Variants in MFSD6 observed in about 807,000 individuals in gnomAD.
MFSD6 encodes major facilitator superfamily domain containing 6.
MFSD6 carries 26 observed loss-of-function variants against 56.3 expected under a neutral mutation model. The observed-to-expected ratio is 0.46, with a 90% CI of 0.34 to 0.64. MFSD6 has a LOEUF of 0.64. Ranked by LOEUF, MFSD6 falls within the 30% of genes least tolerant of loss-of-function variation. MFSD6 has a pLI of 0.01. For synonymous variants in MFSD6, 331 were observed against 366.9 expected, an observed-to-expected ratio of 0.90 and a Z score of 1.12; for missense variants, 750 against 986.2, an observed-to-expected ratio of 0.76 and a Z score of 3.21.
intron 2 of MFSD6, among the ~76,000 whole-genome samples, chr2:190,429,672 C>T (rs1010389192): frequency 2.8e-4 from 43 of 152,104 alleles, no homozygotes; most frequent in Non-Finnish European, 4.6e-4. Flanking sequence ...GTTTAATATA[C>T]TCTGTGTCTT....
rs1419412568 is a variant in MFSD6 at position 190,423,454 on chromosome 2, TATCA to T, written c.-54+8045_-54+8048del. On this transcript the variant is annotated intron_variant, in intron 2 of 7. Transcript: ENST00000392328. The surrounding 1 kb of genome is among the most constrained non-coding windows in gnomAD (Gnocchi z 4.3). ...GGAAATTTATCCAGTTTATTGCATG[TATCA>T]ATCGTTTGCTCCTTTTTATTGCTGC... 6.6e-6 allele frequency among the ~76,000 whole-genome samples: 1 copy of T among 152,258 alleles called. No homozygotes were observed. Among genetic ancestry groups the T allele is most frequent in the African/African-American group, 2.4e-5 (1 of 41,468 alleles).
At position 190,494,252 on chromosome 2, in the gene MFSD6, G is replaced by A. The variant is rs955170171; in HGVS notation, c.1892-3187G>A. On this transcript the variant is annotated intron_variant, in intron 6 of 7. Transcript: ENST00000392328. This position sits in a 1 kb window ranked among gnomAD's most constrained non-coding sequence, Gnocchi z 5.7. Reference sequence around the variant, plus strand: ...CCTTTACATGCATAAACTGGAAAACGCAGAGGAGATAAATTCCTTGAAAGA... The same window carrying A: ...CCTTTACATGCATAAACTGGAAAACACAGAGGAGATAAATTCCTTGAAAGA... Among the ~76,000 whole-genome samples the A allele has an allele frequency of 3.3e-5, 5 of 151,746 alleles. No homozygotes were observed. Among genetic ancestry groups the A allele is most frequent in the East Asian group, 1.9e-4 (1 of 5,192 alleles).
chr2:190,500,183 G>A lies in MFSD6; in HGVS notation c.2341G>A (p.Glu781Lys), dbSNP rs770158252. 1 of 1,614,180 alleles carries A rather than the reference G, an allele frequency of 6.2e-7. No homozygotes were observed. Among genetic ancestry groups the A allele is most frequent in the South Asian group, 1.1e-5 (1 of 91,086 alleles). The change falls in exon 8 of 8, where the codon GAG becomes AAG. Residue 781 changes from glutamate (E) to lysine (K), a missense_variant. Physicochemically the swap from Glu to Lys is moderately conservative, Grantham distance 56 (BLOSUM62 1). Transcript: ENST00000392328. This position sits in a 1 kb window ranked among gnomAD's most constrained non-coding sequence, Gnocchi z 5.3. ...SVDPCTEESE[E>K]QQAQLAAGGH ...GGACCCGTGCACAGAGGAGAGTGAA[G>A]AGCAGCAGGCTCAGCTGGCCGCGGG... is the stretch of plus-strand genomic sequence containing the variant.
rs754002086 is a variant in MFSD6, at chr2:190,471,261, C to T, written c.1630+1406C>T. ...AGTGGGTGCAGGATAGTGGGTGCAG[C>T]GCGGTGAGCGTGAGCTGAAGCAGGG... is the stretch of plus-strand genomic sequence containing the variant. On this transcript the variant is annotated intron_variant, in intron 4 of 7. Coordinates refer to ENST00000392328, the MANE Select transcript of MFSD6 (RefSeq NM_017694.4). This position sits in a 1 kb window ranked among gnomAD's most constrained non-coding sequence, Gnocchi z 4.7. Among the ~76,000 whole-genome samples the T allele has an allele frequency of 6.6e-6, 1 of 152,146 alleles. No individual in the cohort carries two copies. The highest frequency in any genetic ancestry group is 2.4e-5 in the African/African-American group (1 of 41,422).
rs1159919299 is a variant in MFSD6 at position 190,415,621 on chromosome 2, A to G, written c.-54+208A>G. Among the ~76,000 whole-genome samples the G allele has an allele frequency of 6.6e-6, 1 of 152,174 alleles. No individual in the cohort carries two copies. The highest frequency in any genetic ancestry group is 1.5e-5 in the Non-Finnish European group (1 of 68,028). On this transcript the variant is annotated intron_variant, in intron 2 of 7. Transcript: ENST00000392328. This position sits in a 1 kb window ranked among gnomAD's most constrained non-coding sequence, Gnocchi z 4.5. ...TAAACCTTTTTCTGAAACTAATTAT[A>G]TCATTAGAATTGATAGCTTATGGTA...
Position 190,500,470 on chromosome 2 carries a change from T to C in MFSD6, c.*252T>C. On this transcript the variant is annotated 3_prime_UTR_variant, in exon 8 of 8. Transcript: ENST00000392328. The surrounding 1 kb of genome is among the most constrained non-coding windows in gnomAD (Gnocchi z 5.3). Reference sequence around the variant, plus strand: ...AGTTCAATGAGGACTTTCAGTTCTTTGCTTGGTTAGGTTAAGGATGATAGA... The same window carrying C: ...AGTTCAATGAGGACTTTCAGTTCTTCGCTTGGTTAGGTTAAGGATGATAGA... 1 of 505,216 alleles carries C rather than the reference T, an allele frequency of 2.0e-6. No individual in the cohort carries two copies. Among genetic ancestry groups the C allele is most frequent in the East Asian group, 3.4e-5 (1 of 29,484 alleles). 31.3% of individuals were successfully genotyped at this position (505,216 alleles called of 1,614,324 possible).
In MFSD6 at chr2:190,486,293, G is replaced by C. The variant is rs116463700; in HGVS notation, c.1631-2364G>C. On this transcript the variant is annotated intron_variant, in intron 4 of 7. Coordinates refer to ENST00000392328, the MANE Select transcript of MFSD6 (RefSeq NM_017694.4). Reference sequence around the variant, plus strand: ...GGTATTGTTCTCTGAAATGGTTTTGGGTAGTTCATTCCCTCACTCTGAATA... The same window carrying C: ...GGTATTGTTCTCTGAAATGGTTTTGCGTAGTTCATTCCCTCACTCTGAATA... 6.1e-3 allele frequency among the ~76,000 whole-genome samples: 922 copies of C among 152,296 alleles called. 9 individuals carry two copies. The highest frequency in any genetic ancestry group is 0.021 in the African/African-American group (874 of 41,552).
intron 4 of MFSD6, among the ~76,000 whole-genome samples, chr2:190,482,868 CTTTTTTTTTTT>C (rs199927176): frequency 8.3e-3 from 402 of 48,226 alleles, no homozygotes; most frequent in Non-Finnish European, 0.011. Flanking sequence ...AGACTATCAT[CTTTTTTTTTTT>C]TTTTTTTTTT....
chr2:190,471,448 G>A lies in MFSD6; in HGVS notation c.1630+1593G>A, dbSNP rs527389980. Among the ~76,000 whole-genome samples the A allele has an allele frequency of 7.2e-5, 11 of 152,256 alleles. No individual in the cohort carries two copies. Among genetic ancestry groups the A allele is most frequent in the Non-Finnish European group, 1.2e-4 (8 of 68,010 alleles). On this transcript the variant is annotated intron_variant, in intron 4 of 7. Transcript: ENST00000392328. The surrounding 1 kb of genome is among the most constrained non-coding windows in gnomAD (Gnocchi z 4.7). ...ACGGCACACTAGGAGATTATATCCC[G>A]CACCTGGCTTGGAGGGTCCTACGCC...
intron 4 of MFSD6, among the ~76,000 whole-genome samples, chr2:190,475,011 A>G (rs2050057812): frequency 6.6e-6 from 1 of 152,246 alleles, no homozygotes; most frequent in South Asian, 2.1e-4. Flanking sequence ...GCAAAATTCA[A>G]CAACCCTTCA....
At chr2:190,480,688 C>G (rs1688612127) in intron 4 of MFSD6, among the ~76,000 whole-genome samples, 1 of 152,176 alleles carries the variant, frequency 6.6e-6, no homozygotes, top group South Asian at 2.1e-4. Context: ...AATTCTAACT[C>G]CCCTACCTAT....
At position 190,467,917 on chromosome 2, in the gene MFSD6, G is replaced by C. The variant is rs746019599; in HGVS notation, c.1533-1841G>C. ...GCAGCAGAGCTGAGGAGCTGCAACA[G>C]AGACCATGTAGCTCGTGAAGCCTAA... On this transcript the variant is annotated intron_variant, in intron 3 of 7. Coordinates refer to ENST00000392328, the MANE Select transcript of MFSD6 (RefSeq NM_017694.4). This position sits in a 1 kb window ranked among gnomAD's most constrained non-coding sequence, Gnocchi z 5.5. Among the ~76,000 whole-genome samples, 1 of 152,226 alleles carries C rather than the reference G, an allele frequency of 6.6e-6. No individual in the cohort carries two copies. Among genetic ancestry groups the C allele is most frequent in the Non-Finnish European group, 1.5e-5 (1 of 68,036 alleles).
intron 2 of MFSD6, among the ~76,000 whole-genome samples, chr2:190,427,382 A>T (rs890662694): frequency 2.0e-5 from 3 of 152,160 alleles, no homozygotes; most frequent in African/African-American, 4.8e-5. Context: ...TAGGGTTATG[A>T]TCATTTTTTC....
intron 2 of MFSD6, among the ~76,000 whole-genome samples, chr2:190,419,675 T>G (rs1268506118): frequency 5.3e-5 from 8 of 152,274 alleles, no homozygotes; most frequent in African/African-American, 1.9e-4. Context: ...CATACTCTCA[T>G]ATATTTGCGG....
rs1448084604 is a variant in MFSD6, at chr2:190,467,105, T to C, written c.1533-2653T>C. On this transcript the variant is annotated intron_variant, in intron 3 of 7. Coordinates refer to ENST00000392328, the MANE Select transcript of MFSD6 (RefSeq NM_017694.4). This position sits in a 1 kb window ranked among gnomAD's most constrained non-coding sequence, Gnocchi z 5.5. ...AATTTGTGAACACTAGGAAAGTGGA[T>C]TACCAACATTGTTTTATGATGGGAT... Among the ~76,000 whole-genome samples, 1 of 152,204 alleles carries C rather than the reference T, an allele frequency of 6.6e-6. No individual in the cohort carries two copies. Among genetic ancestry groups the C allele is most frequent in the Admixed American group, 6.5e-5 (1 of 15,290 alleles).
chr2:190,477,351 C>A (rs1486072889), intron 4 of MFSD6: 1 of 983,746 alleles, frequency 1.0e-6, no homozygotes. Context: ...TGGTATGCTA[C>A]AGTGTGCAGA....
chr2:190,413,412 G>A lies in MFSD6; in HGVS notation c.-175-1880G>A, dbSNP rs971617375. Among the ~76,000 whole-genome samples, 1 of 152,180 alleles carries A rather than the reference G, an allele frequency of 6.6e-6. No individual in the cohort carries two copies. Among genetic ancestry groups the A allele is most frequent in the African/African-American group, 2.4e-5 (1 of 41,444 alleles). On this transcript the variant is annotated intron_variant, in intron 1 of 7. Transcript: ENST00000392328. This position sits in a 1 kb window ranked among gnomAD's most constrained non-coding sequence, Gnocchi z 4.1. ...GAGATGTCTTTCTTTGACATTTGTT[G>A]TGGGGCATGTTTTAGAATGGGAGAC...
chr2:190,436,879 G>A lies in MFSD6; in HGVS notation c.850G>A (p.Val284Ile). The A allele has an allele frequency of 2.5e-6, 4 of 1,614,240 alleles. No individual in the cohort carries two copies. The highest frequency in any genetic ancestry group is 3.4e-6 in the Non-Finnish European group (4 of 1,180,040). ...QVMLVYDQQE[V>I]EAIFLVILVV... ...CATGCTTGTTTATGATCAACAAGAA[G>A]TTGAAGCTATATTCTTGGTGATCTT... Residue 284 changes from valine to isoleucine, a missense_variant, in exon 3 of 8, where the codon GTT (valine) becomes ATT (isoleucine). Physicochemically the swap from Val to Ile is conservative, Grantham distance 29 (BLOSUM62 3). Around this residue, in one of 5 missense-constraint regions of MFSD6, gnomAD observed 376 missense variants for 437.9 expected, o/e 0.86. Coordinates refer to ENST00000392328, the MANE Select transcript of MFSD6 (RefSeq NM_017694.4). The surrounding 1 kb of genome is among the most constrained non-coding windows in gnomAD (Gnocchi z 5.3).
chr2:190,429,330 CTT>C (rs1329174552), intron 2 of MFSD6, among the ~76,000 whole-genome samples: 3 of 142,028 alleles, frequency 2.1e-5, no homozygotes, highest in Non-Finnish European at 1.6e-5. Context: ...AACAGAAATT[CTT>C]TTTTTTTTTT....
Sources: gnomAD v4.1 joint callset for allele counts (sites outside exome capture counted in the v4.1 genomes callset) on GRCh38, gnomAD v4.1.1 for gene constraint, gnomAD v4.1.1 regional missense constraint, Gnocchi (gnomAD v3.1) non-coding constraint, MANE v1.5 for transcripts, NCBI Gene and HGNC (gene_info 2026-07-23, HGNC 2026-07-21) for gene names.